The following CCSER1 variants were observed in gnomAD, a reference collection of about 807,000 sequenced individuals.
CCSER1 encodes the protein serine-rich coiled-coil domain-containing protein 1.
In CCSER1, 41 loss-of-function variants were observed where a neutral mutation model predicts 82.0. That is an observed-to-expected ratio of 0.50 (90% CI 0.39 to 0.65). The LOEUF (loss-of-function observed/expected upper bound fraction) is 0.65. Among genes scored for constraint, CCSER1 ranks in the 30% least tolerant of loss-of-function variants. The pLI, the probability that CCSER1 is intolerant of heterozygous loss-of-function variation, is 0.00. For missense variants in CCSER1, 1,119 were observed against 1,064.2 expected (o/e 1.05, Z -0.72); for synonymous variants, 414 against 383.9 (o/e 1.08, Z -0.92).
chr4:90,941,696 T>C (rs1224264300), intron 9 of CCSER1, among the ~76,000 whole-genome samples: 3 of 152,170 alleles, frequency 2.0e-5, no homozygotes, highest in African/African-American at 7.2e-5. Context: ...AACAAATCTC[T>C]GTCTTGTTGG....
At chr4:90,423,636 G>A (rs1473496722) in intron 4 of CCSER1, among the ~76,000 whole-genome samples, 1 of 151,980 alleles carries the variant, frequency 6.6e-6, no homozygotes, top group Non-Finnish European at 1.5e-5. Context: ...CACTATGCCC[G>A]GCTAACTTGT....
intron 9 of CCSER1, among the ~76,000 whole-genome samples, chr4:90,932,673 T>TA (rs1729976390): frequency 6.6e-6 from 1 of 150,452 alleles, no homozygotes; most frequent in Non-Finnish European, 1.5e-5. Flanking sequence ...ACTAAAATTA[T>TA]AAAAATTAGC....
chr4:91,256,070 G>A (rs190277660), intron 10 of CCSER1, among the ~76,000 whole-genome samples: 17 of 152,114 alleles, frequency 1.1e-4, no homozygotes, highest in South Asian at 2.1e-4. Context: ...GAGAAATATC[G>A]CTCAATTCTT....
intron 10 of CCSER1, among the ~76,000 whole-genome samples, chr4:91,474,032 G>A (rs941922753): frequency 2.6e-5 from 4 of 151,854 alleles, no homozygotes; most frequent in South Asian, 2.1e-4. Flanking sequence ...AAGTTTCTTC[G>A]ATGTTCTAGA....
intron 10 of CCSER1, among the ~76,000 whole-genome samples, chr4:91,182,174 C>G (rs574446427): frequency 2.0e-5 from 3 of 152,118 alleles, no homozygotes; most frequent in Non-Finnish European, 4.4e-5. Context: ...ATGCTGCAAC[C>G]GAAGGGTCCT....
chr4:90,143,684 CTT>C (rs70963057), intron 1 of CCSER1, among the ~76,000 whole-genome samples: 25 of 138,590 alleles, frequency 1.8e-4, no homozygotes, highest in East Asian at 2.1e-4. Context: ...TCCATTCCTA[CTT>C]TTTTTTTTTT....
intron 10 of CCSER1, among the ~76,000 whole-genome samples, chr4:91,310,514 T>A (rs1247031786): frequency 1.3e-5 from 2 of 151,928 alleles, no homozygotes; most frequent in Non-Finnish European, 2.9e-5. Flanking sequence ...TTGATGAACA[T>A]GGTCTTCCCG....
At chr4:90,459,579 TCTC>T (rs1395705939) in intron 4 of CCSER1, among the ~76,000 whole-genome samples, 21 of 152,196 alleles carry the variant, frequency 1.4e-4, no homozygotes, top group African/African-American at 4.8e-4. Flanking sequence ...CTAGACATCT[TCTC>T]CTGATGGTTT....
At chr4:91,274,029 A>G (rs1297596463) in intron 10 of CCSER1, among the ~76,000 whole-genome samples, 3 of 152,192 alleles carry the variant, frequency 2.0e-5, no homozygotes, top group Admixed American at 2.0e-4. Flanking sequence ...TTTAACTAAT[A>G]TACATATTAT....
intron 3 of CCSER1, among the ~76,000 whole-genome samples, chr4:90,356,913 A>T (rs371355885): frequency 1.3e-5 from 2 of 151,906 alleles, no homozygotes; most frequent in South Asian, 2.1e-4. Context: ...TTTAAGAGGG[A>T]AATAAAGTGA....
intron 1 of CCSER1, among the ~76,000 whole-genome samples, chr4:90,202,158 A>C (rs1264878330): frequency 6.6e-6 from 1 of 151,912 alleles, no homozygotes; most frequent in Non-Finnish European, 1.5e-5. Flanking sequence ...ATGAACCCTG[A>C]CATACTACAT....
chr4:91,179,197 G>A (rs757036241), intron 10 of CCSER1, among the ~76,000 whole-genome samples: 4 of 152,142 alleles, frequency 2.6e-5, no homozygotes, highest in African/African-American at 4.8e-5. Flanking sequence ...GCTTCCCTTT[G>A]TGGGTAACCC....
intron 1 of CCSER1, among the ~76,000 whole-genome samples, chr4:90,204,209 G>A (rs1172589266): frequency 6.6e-6 from 1 of 152,136 alleles, no homozygotes; most frequent in Non-Finnish European, 1.5e-5. Context: ...GATCCCATTT[G>A]TCAATTTTGG....
chr4:91,486,289 T>C (rs1758213935), intron 10 of CCSER1, among the ~76,000 whole-genome samples: 1 of 152,078 alleles, frequency 6.6e-6, no homozygotes, highest in Non-Finnish European at 1.5e-5. Flanking sequence ...AATTTGATGA[T>C]CTTTCTCCTG....
chr4:91,488,770 AT>A (rs1046426989), intron 10 of CCSER1, among the ~76,000 whole-genome samples: 4 of 152,182 alleles, frequency 2.6e-5, no homozygotes, highest in African/African-American at 9.6e-5. Flanking sequence ...TTCTTTATAA[AT>A]TACCCATTCT....
chr4:91,431,104 C>T (rs528380583), intron 10 of CCSER1, among the ~76,000 whole-genome samples: 88 of 152,096 alleles, frequency 5.8e-4, no homozygotes, highest in Non-Finnish European at 9.3e-4. Context: ...GGCGTGGTGG[C>T]GGGCGCCTGT....
chr4:90,133,427 T>G (rs758070335), intron 1 of CCSER1, among the ~76,000 whole-genome samples: 45 of 152,290 alleles, frequency 3.0e-4, no homozygotes, highest in Admixed American at 8.5e-4. Flanking sequence ...TCTGTTTAGT[T>G]TTGTTGACTC....
At chr4:91,424,705 T>A (rs1753875628) in intron 10 of CCSER1, among the ~76,000 whole-genome samples, 1 of 152,154 alleles carries the variant, frequency 6.6e-6, no homozygotes, top group African/African-American at 2.4e-5. Flanking sequence ...TTTAGTATAA[T>A]AATGTTTTAT....
chr4:90,779,253 G>A (rs536508600), intron 7 of CCSER1, among the ~76,000 whole-genome samples: 152 of 151,922 alleles, frequency 1.0e-3, no homozygotes, highest in African/African-American at 3.4e-3. Flanking sequence ...TGAAATTTCT[G>A]TGTTCTCTTT....
Sources: gnomAD v4.1 joint callset for allele counts (sites outside exome capture counted in the v4.1 genomes callset) on GRCh38, gnomAD v4.1.1 for gene constraint, MANE v1.5 for transcripts, NCBI Gene and HGNC (gene_info 2026-07-23, HGNC 2026-07-21) for gene names.